The following OSBPL3 variants were observed in gnomAD, a reference collection of about 807,000 sequenced individuals.
The protein encoded by OSBPL3 is oxysterol binding protein like 3.
Under a neutral mutation model 120.1 loss-of-function variants are expected in OSBPL3, and 65 were observed. The observed-to-expected ratio is 0.54, with a 90% CI of 0.44 to 0.67. OSBPL3 has a LOEUF of 0.67. Ranked by LOEUF, OSBPL3 falls within the 30% of genes least tolerant of loss-of-function variation. The pLI is 0.00. For synonymous variants in OSBPL3, 416 were observed against 402.6 expected (o/e 1.03, Z -0.40); for missense variants, 1,004 against 1,082.1 (o/e 0.93, Z 1.01).
intron 13 of OSBPL3, 32 bp from the exon 14 acceptor site, chr7:24,840,815 G>A (rs192593053): frequency 2.5e-4 from 253 of 1,015,396 alleles, no homozygotes; most frequent in Non-Finnish European, 3.5e-4. Context: ...ATTCATTAGA[G>A]TTAGAATAAA....
At chr7:24,812,555 TTTTG>T (rs900869155) in intron 19 of OSBPL3, among the ~76,000 whole-genome samples, 1 of 152,082 alleles carries the variant, frequency 6.6e-6, no homozygotes, top group African/African-American at 2.4e-5. Flanking sequence ...AGTTGGTTTT[TTTTG>T]TTTGTTTTTT....
chr7:24,903,994 T>C (rs1414357481), intron 1 of OSBPL3, among the ~76,000 whole-genome samples: 1 of 151,918 alleles, frequency 6.6e-6, no homozygotes, highest in African/African-American at 2.4e-5. Context: ...GCAATTCTCA[T>C]GTCTCAGCCT....
At chr7:24,885,639 G>A (rs2128321510) in intron 2 of OSBPL3, among the ~76,000 whole-genome samples, 1 of 152,286 alleles carries the variant, frequency 6.6e-6, no homozygotes, top group Non-Finnish European at 1.5e-5. Flanking sequence ...TAACTTCTAT[G>A]CCAAATGCTA....
rs1232976416 is a variant in OSBPL3 at position 24,891,178 on chromosome 7, T to C, written c.96+1199A>G. On this transcript the variant is annotated intron_variant, in intron 2 of 22. Coordinates refer to ENST00000313367, the MANE Select transcript of OSBPL3 (RefSeq NM_015550.4). This position sits in a 1 kb window ranked among gnomAD's most constrained non-coding sequence, Gnocchi z 4.1. ...AAAACAGAACTGCAGGGAGCCATGA[T>C]GCATTAGCCAATGACTAATTTTAGT... Among the ~76,000 whole-genome samples the C allele has an allele frequency of 6.6e-6, 1 of 151,818 alleles. No individual in the cohort carries two copies. The highest frequency in any genetic ancestry group is 6.6e-5 in the Admixed American group (1 of 15,240).
chr7:24,830,901 T>C lies in OSBPL3; in HGVS notation c.1751A>G (p.Tyr584Cys), dbSNP rs1562789850. 1 of 1,607,448 alleles carries C rather than the reference T, an allele frequency of 6.2e-7. No homozygotes were observed. Among genetic ancestry groups the C allele is most frequent in the Middle Eastern group, 1.7e-4 (1 of 6,024 alleles). Residue 584 changes from tyrosine (Y) to cysteine (C), a missense_variant, in exon 16 of 23, where the codon TAT becomes TGT. Around this residue, in one of 4 missense-constraint regions of OSBPL3, gnomAD observed 473 missense variants for 568.0 expected, o/e 0.83. Transcript: ENST00000313367. The surrounding 1 kb of genome is among the most constrained non-coding windows in gnomAD (Gnocchi z 4.4). ...CGCTGATATGGCAAAGGCTGCCACA[T>C]ATACCTAAGGACAAGAGAAAAGAAC... ...QIPSPLERMV[Y>C]VAAFAISAYA... is the part of the protein sequence containing the mutation.
intron 1 of OSBPL3, among the ~76,000 whole-genome samples, chr7:24,961,903 A>G (rs1408216290): frequency 6.6e-6 from 1 of 152,206 alleles, no homozygotes; most frequent in East Asian, 1.9e-4. Flanking sequence ...TTACTCATTC[A>G]TCAAGCATTT....
In OSBPL3 at chr7:24,819,251, C is replaced by CAA. The variant is rs143386888; in HGVS notation, c.1948+922_1948+923dup. The stretch of plus-strand genomic sequence containing the variant: ...CTAGCAACAGACTGAGACTCCATTT[C>CAA]AAAAAAAAAAAAAAAAAATCCAACT... On this transcript the variant is annotated intron_variant, in intron 17 of 22. Transcript: ENST00000313367. This position sits in a 1 kb window ranked among gnomAD's most constrained non-coding sequence, Gnocchi z 4.1. 0.045 allele frequency among the ~76,000 whole-genome samples: 4,891 copies of CAA among 108,946 alleles called. 129 individuals carry two copies. Among genetic ancestry groups the CAA allele is most frequent in the Non-Finnish European group, 0.06 (3,053 of 50,656 alleles). The allele number at this position is 108,946 out of a possible 152,430, so 71.5% of individuals were successfully genotyped here. A position where few individuals can be genotyped will look rare whatever the true frequency, so the allele number is the denominator to read the frequency against.
chr7:24,911,257 G>A (rs1020166692), intron 1 of OSBPL3, among the ~76,000 whole-genome samples: 2 of 152,178 alleles, frequency 1.3e-5, no homozygotes, highest in African/African-American at 4.8e-5. Flanking sequence ...AACATCTGGT[G>A]GTTTGAATTT....
In OSBPL3 at chr7:24,896,637, G is replaced by A. The variant is rs1275733055; in HGVS notation, c.-149-4016C>T. 2.6e-5 allele frequency among the ~76,000 whole-genome samples: 4 copies of A among 152,218 alleles called. No individual in the cohort carries two copies. Among genetic ancestry groups the A allele is most frequent in the Admixed American group, 2.6e-4 (4 of 15,290 alleles). ...AAAGGTGACATCACATACTATATAT[G>A]TGTGCTGGAAGGAGTCAGACCTAGG... On this transcript the variant is annotated intron_variant, in intron 1 of 22. Transcript: ENST00000313367. The surrounding 1 kb of genome is among the most constrained non-coding windows in gnomAD (Gnocchi z 4.4).
chr7:24,854,252 CAT>C lies in OSBPL3; in HGVS notation c.1028-1620_1028-1619del, dbSNP rs2128232791. ...CAGGAAGACTGAAGAGACTCAGACA[CAT>C]GTCTTCTCAAATGACCTAGCACATT... On this transcript the variant is annotated intron_variant, in intron 10 of 22. Transcript: ENST00000313367. This position sits in a 1 kb window ranked among gnomAD's most constrained non-coding sequence, Gnocchi z 4.1. Among the ~76,000 whole-genome samples, 1 of 152,260 alleles carries C rather than the reference CAT, an allele frequency of 6.6e-6. No individual in the cohort carries two copies. The highest frequency in any genetic ancestry group is 2.1e-4 in the South Asian group (1 of 4,822).
At chr7:24,829,228 T>C (rs111448112) in intron 16 of OSBPL3, among the ~76,000 whole-genome samples, 81 of 152,348 alleles carry the variant, frequency 5.3e-4, no homozygotes, top group African/African-American at 1.9e-3. Context: ...TATTTTCATT[T>C]ATTCTCATTC....
Position 24,871,793 on chromosome 7 carries a change from T to A in OSBPL3, c.216A>T (p.Arg72Ser). The A allele has an allele frequency of 6.2e-7, 1 of 1,611,148 alleles. No individual in the cohort carries two copies. The highest frequency in any genetic ancestry group is 8.5e-7 in the Non-Finnish European group (1 of 1,177,420). Residue 72 changes from arginine to serine, a missense_variant and splice_region_variant, in exon 4 of 23, where the codon AGA becomes AGT. Arg to Ser is a moderately radical substitution (Grantham distance 110). Around this residue, in one of 4 missense-constraint regions of OSBPL3, gnomAD observed 255 missense variants for 248.7 expected, o/e 1.03. Transcript: ENST00000313367. This position sits in a 1 kb window ranked among gnomAD's most constrained non-coding sequence, Gnocchi z 4.8. ...AGATTCCTTTGTCCAGATAGAAGAA[T>A]CTCTGTGGGGAAGAAAGTATTATTA... is the stretch of plus-strand genomic sequence containing the variant. ...RKWPLKGWHK[R>S]FFYLDKGILK...
chr7:24,977,671 A>G (rs1404314310), intron 1 of OSBPL3, among the ~76,000 whole-genome samples: 3 of 152,160 alleles, frequency 2.0e-5, no homozygotes, highest in Admixed American at 6.5e-5. Flanking sequence ...CCTGGCTAAC[A>G]CGGTGAAACC....
chr7:24,969,821 T>C (rs1816796331), intron 1 of OSBPL3, among the ~76,000 whole-genome samples: 2 of 152,164 alleles, frequency 1.3e-5, no homozygotes, highest in Admixed American at 1.3e-4. Context: ...TCCCAGCCTC[T>C]GCCCTTCTCT....
rs1296013343 is a variant in OSBPL3 at position 24,819,992 on chromosome 7, G to C, written c.1948+183C>G. On this transcript the variant is annotated intron_variant, in intron 17 of 22. Coordinates refer to ENST00000313367, the MANE Select transcript of OSBPL3 (RefSeq NM_015550.4). The surrounding 1 kb of genome is among the most constrained non-coding windows in gnomAD (Gnocchi z 4.1). ...TAAGATAAAGTTACAGAAATAAATGGAGGTGGCTCAGATAAACTAAGTGAG... is the reference window on the plus strand; with the variant it reads ...TAAGATAAAGTTACAGAAATAAATGCAGGTGGCTCAGATAAACTAAGTGAG... Among the ~76,000 whole-genome samples the C allele has an allele frequency of 6.6e-6, 1 of 152,200 alleles. No individual in the cohort carries two copies. Among genetic ancestry groups the C allele is most frequent in the Non-Finnish European group, 1.5e-5 (1 of 68,036 alleles).
At chr7:24,828,912 C>A in intron 16 of OSBPL3, among the ~76,000 whole-genome samples, 1 of 152,164 alleles carries the variant, frequency 6.6e-6, no homozygotes, top group Admixed American at 6.5e-5. Context: ...ATAACCAGTT[C>A]TCTTTCTTGC....
At chr7:24,825,027 G>T (rs1371705750) in intron 16 of OSBPL3, among the ~76,000 whole-genome samples, 1 of 152,166 alleles carries the variant, frequency 6.6e-6, no homozygotes, top group Non-Finnish European at 1.5e-5. Flanking sequence ...AGTGTCTGAG[G>T]GTGAGATTTT....
chr7:24,874,492 C>A (rs1354566537), intron 2 of OSBPL3, among the ~76,000 whole-genome samples: 1 of 151,994 alleles, frequency 6.6e-6, no homozygotes, highest in African/African-American at 2.4e-5. Context: ...TAAGATCATA[C>A]CTGTAAGTTT....
At chr7:24,977,653 G>A (rs1002354127) in intron 1 of OSBPL3, among the ~76,000 whole-genome samples, 1 of 152,114 alleles carries the variant, frequency 6.6e-6, no homozygotes, top group Admixed American at 6.5e-5. Flanking sequence ...TCAGGAGATC[G>A]AGACCACCCT....
Sources: allele counts gnomAD v4.1 joint callset (sites outside exome capture counted in the v4.1 genomes callset), GRCh38; gene constraint gnomAD v4.1.1; regional missense constraint gnomAD v4.1.1; non-coding constraint Gnocchi (gnomAD v3.1); transcripts MANE v1.5; gene names NCBI Gene and HGNC (gene_info 2026-07-23, HGNC 2026-07-21).